The following KLF12 variants were observed in gnomAD, a reference collection of about 807,000 sequenced individuals.
KLF12 encodes the protein Krueppel-like factor 12.
Under a neutral mutation model 37.8 loss-of-function variants are expected in KLF12, and 9 were observed. The observed-to-expected ratio is 0.24, with a 90% CI of 0.14 to 0.42. The LOEUF (loss-of-function observed/expected upper bound fraction) is 0.42. KLF12 is among the 10% of genes least tolerant of loss of function. The probability of loss-of-function intolerance (pLI) is 1.00; values close to 1 mark genes in which losing one functional copy is unlikely to be tolerated. For synonymous variants in KLF12, 208 were observed against 202.1 expected, an observed-to-expected ratio of 1.03 and a Z score of -0.25; for missense variants, 411 against 516.0, an observed-to-expected ratio of 0.80 and a Z score of 1.97.
intron 5 of KLF12, among the ~76,000 whole-genome samples, chr13:73,790,325 G>C (rs1881613728): frequency 6.6e-6 from 1 of 151,956 alleles, no homozygotes; most frequent in Non-Finnish European, 1.5e-5. Context: ...AAACCAAATA[G>C]TAAAACTTAT....
At chr13:73,935,366 T>A (rs1033380308) in intron 3 of KLF12, among the ~76,000 whole-genome samples, 1 of 152,220 alleles carries the variant, frequency 6.6e-6, no homozygotes, top group African/African-American at 2.4e-5. Flanking sequence ...TCATCCACTG[T>A]ATTTTTAAAA....
chr13:74,233,693 C>T, the KLF12 span, among the ~76,000 whole-genome samples: 1 of 151,996 alleles, frequency 6.6e-6, no homozygotes, highest in African/African-American at 2.4e-5. Context: ...CTAGAATATA[C>T]TTTTTAGAAT....
At chr13:74,084,249 G>A (rs1875116062) in intron 1 of KLF12, among the ~76,000 whole-genome samples, 1 of 152,144 alleles carries the variant, frequency 6.6e-6, no homozygotes, top group South Asian at 2.1e-4. Flanking sequence ...CATTCCCTAT[G>A]AAAGGGCTAC....
intron 4 of KLF12, among the ~76,000 whole-genome samples, chr13:73,827,364 A>G (rs1426759543): frequency 1.3e-5 from 2 of 152,206 alleles, no homozygotes; most frequent in African/African-American, 4.8e-5. Flanking sequence ...TTACACTCAC[A>G]TTAGTATGTG....
chr13:74,130,698 T>C (rs1439703110), intron 1 of KLF12, among the ~76,000 whole-genome samples: 6 of 151,908 alleles, frequency 3.9e-5, no homozygotes, highest in African/African-American at 1.5e-4. Context: ...ATGGTGTTGA[T>C]TTTGAATAAA....
At chr13:73,901,895 C>G (rs886671636) in intron 3 of KLF12, among the ~76,000 whole-genome samples, 4 of 152,144 alleles carry the variant, frequency 2.6e-5, no homozygotes, top group Non-Finnish European at 4.4e-5. Flanking sequence ...TTATGATTAT[C>G]TTAAAGGTTG....
At chr13:74,144,282 T>C in the KLF12 span, among the ~76,000 whole-genome samples, 1 of 152,226 alleles carries the variant, frequency 6.6e-6, no homozygotes, top group Non-Finnish European at 1.5e-5. Flanking sequence ...ATTGTTATTA[T>C]GGAAACCATT....
chr13:73,947,468 T>A (rs990972912), intron 2 of KLF12, among the ~76,000 whole-genome samples: 1 of 151,916 alleles, frequency 6.6e-6, no homozygotes, highest in Admixed American at 6.6e-5. Context: ...CTGGCCAACA[T>A]AGTCAAACTC....
At chr13:74,135,687 A>C (rs1452862966), upstream of KLF12, among the ~76,000 whole-genome samples, 1 of 151,750 alleles carries the variant, frequency 6.6e-6, no homozygotes, top group African/African-American at 2.4e-5. Flanking sequence ...GCACGACAGT[A>C]TTCCCCTGCC....
intron 3 of KLF12, among the ~76,000 whole-genome samples, chr13:73,897,164 T>C (rs1887816664): frequency 6.6e-6 from 1 of 152,010 alleles, no homozygotes; most frequent in African/African-American, 2.4e-5. Flanking sequence ...TTACAGCATA[T>C]TGAAAACAGT....
At chr13:74,303,541 T>C in the KLF12 span, among the ~76,000 whole-genome samples, 1 of 152,184 alleles carries the variant, frequency 6.6e-6, no homozygotes, top group Non-Finnish European at 1.5e-5. Context: ...TTTCTGTTTA[T>C]AAAAGATGCT....
At chr13:73,995,901 C>T (rs896597862) in intron 1 of KLF12, among the ~76,000 whole-genome samples, 1 of 152,188 alleles carries the variant, frequency 6.6e-6, no homozygotes, top group African/African-American at 2.4e-5. Context: ...TTATTAGGCA[C>T]AGTTGACTTT....
intron 1 of KLF12, among the ~76,000 whole-genome samples, chr13:74,001,008 A>G (rs1892267107): frequency 6.6e-6 from 1 of 152,196 alleles, no homozygotes; most frequent in African/African-American, 2.4e-5. Flanking sequence ...TGTATGTCTA[A>G]TTTATGTGAT....
the KLF12 span, among the ~76,000 whole-genome samples, chr13:74,197,462 ACT>A: frequency 2.0e-5 from 3 of 151,744 alleles, no homozygotes; most frequent in Non-Finnish European, 4.4e-5. Context: ...ATACACACTC[ACT>A]CACACACACA....
chr13:74,084,174 G>A (rs1421489405), intron 1 of KLF12, among the ~76,000 whole-genome samples: 1 of 152,148 alleles, frequency 6.6e-6, no homozygotes, highest in Non-Finnish European at 1.5e-5. Flanking sequence ...ACAGGGTGAT[G>A]TAACAAATAT....
intron 2 of KLF12, among the ~76,000 whole-genome samples, chr13:73,987,718 G>T (rs1891861691): frequency 7.3e-6 from 1 of 136,768 alleles, no homozygotes; most frequent in South Asian, 2.6e-4. Flanking sequence ...GAGAAAGTGG[G>T]GGGGTAGAGG....
intron 6 of KLF12, among the ~76,000 whole-genome samples, chr13:73,729,231 T>C (rs552051876): frequency 6.6e-6 from 1 of 152,338 alleles, no homozygotes; most frequent in East Asian, 1.9e-4. Context: ...AAGTATCATG[T>C]GTTATTTACT....
At chr13:74,187,653 A>AATTTGCCCAAGTTTG in the KLF12 span, among the ~76,000 whole-genome samples, 2 of 152,178 alleles carry the variant, frequency 1.3e-5, no homozygotes, top group African/African-American at 4.8e-5. Context: ...TGACTTAATT[A>AATTTGCCCAAGTTTG]ATTTGCCCAA....
At chr13:74,182,417 C>T in the KLF12 span, among the ~76,000 whole-genome samples, 1 of 152,068 alleles carries the variant, frequency 6.6e-6, no homozygotes, top group African/African-American at 2.4e-5. Flanking sequence ...CATTGGAAGA[C>T]TAGGTTTAAA....
Sources: allele counts gnomAD v4.1 joint callset (sites outside exome capture counted in the v4.1 genomes callset), GRCh38; gene constraint gnomAD v4.1.1; transcripts MANE v1.5; gene names NCBI Gene and HGNC (gene_info 2026-07-23, HGNC 2026-07-21).